The following SHMT1 variants were observed in gnomAD, a reference collection of about 807,000 sequenced individuals.
SHMT1 encodes the protein serine hydroxymethyltransferase, cytosolic.
Under a neutral mutation model 49.0 loss-of-function variants are expected in SHMT1, and 45 were observed. The ratio of observed to expected loss-of-function variants is 0.92; its 90% confidence interval spans 0.72 to 1.18. The LOEUF is 1.18. Ranked by LOEUF, SHMT1 falls within the 50% of genes most tolerant of loss-of-function variation. SHMT1 has a pLI of 0.00. For missense variants in SHMT1, 541 were observed against 612.4 expected (o/e 0.88, Z 1.23); for synonymous variants, 232 against 246.6 (o/e 0.94, Z 0.55).
intron 5 of SHMT1, among the ~76,000 whole-genome samples, chr17:18,345,469 C>T (rs1280505157): frequency 1.3e-5 from 2 of 152,098 alleles, no homozygotes; most frequent in Non-Finnish European, 2.9e-5. Flanking sequence ...GTTGGCCAGG[C>T]TGGTCTCGAA....
intron 5 of SHMT1, 145 bp downstream of exon 5, chr17:18,347,351 G>A (rs1985186986): frequency 1.0e-6 from 1 of 964,654 alleles, no homozygotes; most frequent in Non-Finnish European, 1.6e-6. Context: ...GAAAACCTGA[G>A]GAGTCCCCGC....
At chr17:18,349,492 G>C (rs898054539) in intron 3 of SHMT1, among the ~76,000 whole-genome samples, 1 of 152,168 alleles carries the variant, frequency 6.6e-6, no homozygotes, top group Non-Finnish European at 1.5e-5. Context: ...GCTGAGGTGG[G>C]AGAACTGCTT....
intron 1 of SHMT1, among the ~76,000 whole-genome samples, chr17:18,357,152 A>ATTG (rs569784103): frequency 7.9e-5 from 12 of 151,788 alleles, no homozygotes; most frequent in Non-Finnish European, 1.6e-4. Context: ...GTTGTGGCAC[A>ATTG]TGCCTGTAGT....
intron 1 of SHMT1, among the ~76,000 whole-genome samples, chr17:18,357,408 A>C (rs1986344368): frequency 6.6e-6 from 1 of 151,990 alleles, no homozygotes; most frequent in Non-Finnish European, 1.5e-5. Flanking sequence ...TTCACTATTT[A>C]GCAACTTTTC....
chr17:18,331,700 G>C (rs1204502345), intron 9 of SHMT1: 2 of 152,244 alleles, frequency 1.3e-5, no homozygotes, highest in African/African-American at 4.8e-5. Context: ...CCCAAGGCCT[G>C]GTCAGAATCT....
At chr17:18,333,457 T>C (rs1205330201) in intron 8 of SHMT1, 169 bp from the exon 9 acceptor site, 17 of 316,304 alleles carry the variant, frequency 5.4e-5, no homozygotes, top group Non-Finnish European at 7.4e-5. Context: ...AAAAATTTTT[T>C]ATTATTTATT....
chr17:18,333,346 A>G, intron 8 of SHMT1, 58 bp from the exon 9 acceptor site: 2 of 1,567,514 alleles, frequency 1.3e-6, no homozygotes, highest in Non-Finnish European at 1.7e-6. Context: ...ACAGATGATG[A>G]GTCAAACAAC....
chr17:18,339,475 C>A (rs765629693), intron 7 of SHMT1, among the ~76,000 whole-genome samples: 1 of 152,184 alleles, frequency 6.6e-6, no homozygotes, highest in Admixed American at 6.5e-5. Context: ...GGTTGCTGAT[C>A]CCCCTCCTAT....
intron 5 of SHMT1, among the ~76,000 whole-genome samples, chr17:18,344,908 G>A (rs1168284891): frequency 2.6e-5 from 4 of 152,202 alleles, no homozygotes; most frequent in African/African-American, 9.6e-5. Context: ...GTGGGGCAGG[G>A]GCTGAAGGTG....
In SHMT1 at chr17:18,352,435, C is replaced by T. The variant is rs565259892; in HGVS notation, c.242+1237G>A. Among the ~76,000 whole-genome samples, 13 of 152,266 alleles carry T rather than the reference C, an allele frequency of 8.5e-5. 1 individual carries two copies. Among genetic ancestry groups the T allele is most frequent in the Admixed American group, 5.9e-4 (9 of 15,292 alleles). On this transcript the variant is annotated intron_variant, in intron 3 of 11. Coordinates refer to ENST00000316694, the MANE Select transcript of SHMT1 (RefSeq NM_004169.5). ...TGCTGGGATTACAGGCGTGAGCCACCGCGCCCGGTCCCCCTTCTTAAAAAT... is the reference window on the plus strand; with the variant it reads ...TGCTGGGATTACAGGCGTGAGCCACTGCGCCCGGTCCCCCTTCTTAAAAAT...
chr17:18,352,925 A>G (rs1440346111), intron 3 of SHMT1, among the ~76,000 whole-genome samples: 2 of 152,106 alleles, frequency 1.3e-5, no homozygotes, highest in Non-Finnish European at 2.9e-5. Context: ...AGAGAAATAA[A>G]GAAAACACCT....
intron 3 of SHMT1, among the ~76,000 whole-genome samples, chr17:18,350,093 C>T (rs1397619723): frequency 6.6e-5 from 10 of 152,116 alleles, no homozygotes; most frequent in African/African-American, 2.4e-4. Context: ...CTTTCGGAGG[C>T]CGAGGCGGGC....
chr17:18,330,198 C>A (rs1037570682), intron 10 of SHMT1, among the ~76,000 whole-genome samples: 1 of 151,184 alleles, frequency 6.6e-6, no homozygotes, highest in Non-Finnish European at 1.5e-5. Flanking sequence ...TGCAGTGGTA[C>A]AATCTCCACT....
In SHMT1 at chr17:18,355,971, G is replaced by C. The variant is rs1409361442; in HGVS notation, c.11C>G (p.Pro4Arg). 1.2e-6 allele frequency: 2 copies of C among 1,613,010 alleles called. No individual in the cohort carries two copies. Among genetic ancestry groups the C allele is most frequent in the African/African-American group, 2.7e-5 (2 of 74,888 alleles). MTM[P>R]VNGAHKDADL... ...AGCATCCTTGTGGGCCCCGTTGACTGGCATCGTCATTGCACTGGTTCGAAG... is the reference window on the plus strand; with the variant it reads ...AGCATCCTTGTGGGCCCCGTTGACTCGCATCGTCATTGCACTGGTTCGAAG... The change falls in exon 2 of 12, where the codon CCA becomes CGA. Residue 4 changes from proline (P) to arginine (R), a missense_variant. Coordinates refer to ENST00000316694, the MANE Select transcript of SHMT1 (RefSeq NM_004169.5).
chr17:18,330,421 C>T, intron 10 of SHMT1, 134 bp downstream of exon 10: 5 of 763,272 alleles, frequency 6.6e-6, no homozygotes, highest in South Asian at 1.4e-5. Context: ...CAGGCGTGAG[C>T]CACCGTGCCC....
chr17:18,355,139 G>A (rs568654802), intron 2 of SHMT1, among the ~76,000 whole-genome samples: 27 of 146,608 alleles, frequency 1.8e-4, no homozygotes, highest in African/African-American at 6.6e-4. Flanking sequence ...GGAGGCTGAG[G>A]TGGGCGGATC....
chr17:18,335,650 A>G lies in SHMT1; in HGVS notation c.840T>C (p.Thr280=). ...RKGVKSVDPK[T]GKEILYNLES... ...CCAGGTTGTACAGAATCTCTTTGCC[A>G]GTCTTGGGATCCACACTTTTCACTC... Residue 280 remains threonine (T), a synonymous_variant, in exon 8 of 12, where the codon ACT becomes ACC. Coordinates refer to ENST00000316694, the MANE Select transcript of SHMT1 (RefSeq NM_004169.5). 6.2e-7 allele frequency: 1 copy of G among 1,613,986 alleles called. No homozygotes were observed. The highest frequency in any genetic ancestry group is 8.5e-7 in the Non-Finnish European group (1 of 1,179,870).
rs185437646 is a variant in SHMT1, at chr17:18,333,286, C to T, written c.934G>A (p.Val312Ile). 5.0e-6 allele frequency: 8 copies of T among 1,613,170 alleles called. No homozygotes were observed. In the Admixed American group the frequency reaches 1.0e-4, roughly 20 times the overall value. The change falls in exon 9 of 12, where the codon GTT becomes ATT. Residue 312 changes from valine (V) to isoleucine (I), a missense_variant and splice_region_variant. Physicochemically the swap from Val to Ile is conservative, Grantham distance 29. Coordinates refer to ENST00000316694, the MANE Select transcript of SHMT1 (RefSeq NM_004169.5). ...GGPHNHAIAG[V>I]AVALKQAMTL... ...ATAGCTTGCTTCAGTGCCACAGCAACCCCTGGACAAGAAGAGACAATGGGT... is the reference window on the plus strand; with the variant it reads ...ATAGCTTGCTTCAGTGCCACAGCAATCCCTGGACAAGAAGAGACAATGGGT...
Position 18,340,462 on chromosome 17 carries a change from G to T in SHMT1, c.602-207C>A. 2 of 679,102 alleles carry T rather than the reference G, an allele frequency of 2.9e-6. No homozygotes were observed. Among genetic ancestry groups the T allele is most frequent in the South Asian group, 1.7e-5 (1 of 58,794 alleles). The allele number at this position is 679,102 out of a possible 1,614,324, so 42.1% of individuals were successfully genotyped here. A position where few individuals can be genotyped will look rare whatever the true frequency, so the allele number is the denominator to read the frequency against. ...CTTCAACGTCTTGGTGGTTGAGATGGCCCCAACTACTATTGCCAGCGCAGT... is the reference window on the plus strand; with the variant it reads ...CTTCAACGTCTTGGTGGTTGAGATGTCCCCAACTACTATTGCCAGCGCAGT... On this transcript the variant is annotated intron_variant, in intron 6 of 11. Coordinates refer to ENST00000316694, the MANE Select transcript of SHMT1 (RefSeq NM_004169.5). This position sits in a 1 kb window ranked among gnomAD's most constrained non-coding sequence, Gnocchi z 4.5.
Sources: allele counts gnomAD v4.1 joint callset (sites outside exome capture counted in the v4.1 genomes callset), GRCh38; gene constraint gnomAD v4.1.1; non-coding constraint Gnocchi (gnomAD v3.1); transcripts MANE v1.5; gene names NCBI Gene and HGNC (gene_info 2026-07-23, HGNC 2026-07-21).